IAPP: variants seen among roughly 807,000 people sequenced by gnomAD.
IAPP encodes the protein Islet amyloid polypeptide (diabetes-associated peptide; amylin).
Under a neutral mutation model 2.9 loss-of-function variants are expected in IAPP, and 4 were observed. The observed-to-expected ratio is 1.39, with a 90% confidence interval of 0.69 to 3.19. The LOEUF is 3.19. Among genes scored for constraint, IAPP ranks in the 30% most tolerant of loss-of-function variants. The probability of loss-of-function intolerance (pLI) is 0.01; values close to 1 mark genes in which losing one functional copy is unlikely to be tolerated. For synonymous variants in IAPP, 40 were observed against 42.1 expected, an observed-to-expected ratio of 0.95 and a Z score of 0.19; for missense variants, 114 against 105.3, an observed-to-expected ratio of 1.08 and a Z score of -0.36.
chr12:21,358,262 G>A (rs1010570381), intron 1 of IAPP, among the ~76,000 whole-genome samples: 8 of 152,152 alleles, frequency 5.3e-5, no homozygotes, highest in African/African-American at 1.7e-4. Flanking sequence ...AAATCATTAA[G>A]CTTGCTAATT....
At chr12:21,370,006 A>G (rs188459837), upstream of IAPP, among the ~76,000 whole-genome samples, 162 of 152,332 alleles carry the variant, frequency 1.1e-3, no homozygotes, top group African/African-American at 3.7e-3. Context: ...TCTGGCTATA[A>G]CAAAATCATT....
intron 1 of IAPP, among the ~76,000 whole-genome samples, chr12:21,360,442 T>A (rs1938748515): frequency 6.6e-6 from 1 of 152,204 alleles, no homozygotes; most frequent in Non-Finnish European, 1.5e-5. Flanking sequence ...GGCACCAAGA[T>A]GGCCGAATAG....
intron 1 of IAPP, among the ~76,000 whole-genome samples, chr12:21,364,986 G>C (rs1049330124): frequency 1.3e-5 from 2 of 152,154 alleles, no homozygotes; most frequent in Non-Finnish European, 2.9e-5. Flanking sequence ...GTAATTTATA[G>C]ATTCAATGCC....
intron 2 of IAPP, chr12:21,376,308 A>C (rs1290752982): frequency 2.8e-6 from 1 of 351,984 alleles, no homozygotes; most frequent in East Asian, 9.0e-5. Flanking sequence ...ATTTTCCTTT[A>C]TTACTTTTTT....
chr12:21,372,182 T>C (rs1475781150), upstream of IAPP, among the ~76,000 whole-genome samples: 1 of 152,186 alleles, frequency 6.6e-6, no homozygotes, highest in Non-Finnish European at 1.5e-5. Flanking sequence ...TTCAAAATAA[T>C]TGTAAAATTT....
chr12:21,361,202 C>G (rs1938842061), intron 1 of IAPP, among the ~76,000 whole-genome samples: 1 of 152,172 alleles, frequency 6.6e-6, no homozygotes, highest in South Asian at 2.1e-4. Flanking sequence ...GAGGAAGGAT[C>G]AGACAGCAAC....
chr12:21,364,319 A>C (rs1051466906), intron 1 of IAPP, among the ~76,000 whole-genome samples: 6 of 152,118 alleles, frequency 3.9e-5, no homozygotes, highest in East Asian at 3.9e-4. Context: ...TCAATAGATG[A>C]AGAAAAGGCC....
At chr12:21,363,412 T>G (rs559487424) in intron 1 of IAPP, among the ~76,000 whole-genome samples, 34 of 152,242 alleles carry the variant, frequency 2.2e-4, no homozygotes, top group Non-Finnish European at 4.4e-4. Flanking sequence ...AGAGGGAAAT[T>G]TATAGCACTA....
chr12:21,363,731 C>T (rs1939132874), intron 1 of IAPP, among the ~76,000 whole-genome samples: 1 of 152,160 alleles, frequency 6.6e-6, no homozygotes, highest in African/African-American at 2.4e-5. Context: ...ATCGATCCTA[C>T]AGAAATACAA....
In IAPP at chr12:21,379,658, G is replaced by C. The variant is rs1940464002; in HGVS notation, c.*1232G>C. 6.6e-6 allele frequency: 1 copy of C among 152,108 alleles called. No individual in the cohort carries two copies. The highest frequency in any genetic ancestry group is 1.5e-5 in the Non-Finnish European group (1 of 68,022). 9.4% of individuals were successfully genotyped at this position (152,108 alleles called of 1,614,324 possible). On this transcript the variant is annotated 3_prime_UTR_variant, in exon 3 of 3. Transcript: ENST00000240652. The stretch of plus-strand genomic sequence containing the variant: ...TCTGCTTTTCCCTGACTTTGAGTTA[G>C]GTAGCTTTGGAAGTAGCATTAATTC...
chr12:21,356,627 A>C (rs1170373249), intron 1 of IAPP, among the ~76,000 whole-genome samples: 2 of 152,140 alleles, frequency 1.3e-5, no homozygotes, highest in African/African-American at 4.8e-5. Context: ...ACTAAAGGGA[A>C]CAATTCACAG....
intron 2 of IAPP, among the ~76,000 whole-genome samples, 184 bp from the exon 3 acceptor site, chr12:21,378,053 A>G (rs1940333093): frequency 6.6e-6 from 1 of 152,200 alleles, no homozygotes; most frequent in Admixed American, 6.5e-5. Context: ...ATGATTTTCA[A>G]TTGTTATTTC....
At chr12:21,362,400 C>T (rs536806528) in intron 1 of IAPP, among the ~76,000 whole-genome samples, 3 of 152,242 alleles carry the variant, frequency 2.0e-5, no homozygotes, top group Non-Finnish European at 2.9e-5. Flanking sequence ...CTTAAGGAAG[C>T]ACTAAACATG....
At chr12:21,377,497 A>G (rs1057473440) in intron 2 of IAPP, among the ~76,000 whole-genome samples, 3 of 152,190 alleles carry the variant, frequency 2.0e-5, no homozygotes, top group African/African-American at 7.2e-5. Context: ...GTTGGGCAGC[A>G]GATCTCTAGA....
Position 21,379,302 on chromosome 12 carries a change from G to C in IAPP, c.*876G>C, listed in dbSNP as rs996453498. ...AGAGGCTATTTAAAAGTATAAAACT[G>C]CTTTGTATCCATGAGGGTTTCATTG... On this transcript the variant is annotated 3_prime_UTR_variant, in exon 3 of 3. Transcript: ENST00000240652. The C allele has an allele frequency of 2.6e-5, 4 of 152,168 alleles. No homozygotes were observed. The highest frequency in any genetic ancestry group is 9.7e-5 in the African/African-American group (4 of 41,442). The allele number at this position is 152,168 out of a possible 1,614,324, so 9.4% of individuals were successfully genotyped here.
At chr12:21,372,483 T>A (rs547065573), upstream of IAPP, among the ~76,000 whole-genome samples, 3 of 152,272 alleles carry the variant, frequency 2.0e-5, no homozygotes, top group South Asian at 6.2e-4. Flanking sequence ...ATATCTCCAT[T>A]TATTCCTGAA....
intron 1 of IAPP, among the ~76,000 whole-genome samples, chr12:21,359,812 A>C (rs1266987467): frequency 2.0e-5 from 3 of 152,208 alleles, no homozygotes; most frequent in Non-Finnish European, 4.4e-5. Flanking sequence ...AGAAAAGAAG[A>C]AGCATGTGTC....
At chr12:21,367,308 C>A (rs1032477170) in intron 1 of IAPP, among the ~76,000 whole-genome samples, 10 of 151,930 alleles carry the variant, frequency 6.6e-5, no homozygotes, top group Admixed American at 6.6e-4. Context: ...AAAATAAGGA[C>A]ATAAATCAAG....
intron 1 of IAPP, among the ~76,000 whole-genome samples, chr12:21,362,708 T>C (rs550344034): frequency 6.6e-6 from 1 of 152,224 alleles, no homozygotes; most frequent in East Asian, 1.9e-4. Flanking sequence ...GAGGAAGATC[T>C]ACCAAGCAAA....
Sources: allele counts gnomAD v4.1 joint callset (sites outside exome capture counted in the v4.1 genomes callset), GRCh38; gene constraint gnomAD v4.1.1; transcripts MANE v1.5; gene names NCBI Gene and HGNC (gene_info 2026-07-23, HGNC 2026-07-21).